The following CDC123 variants were observed in gnomAD, a reference collection of about 807,000 sequenced individuals.
CDC123 encodes the protein translation initiation factor eIF2 assembly protein.
Under a neutral mutation model 54.4 loss-of-function variants are expected in CDC123, and 37 were observed. The observed-to-expected ratio is 0.68, with a 90% CI of 0.52 to 0.89. The LOEUF (loss-of-function observed/expected upper bound fraction) is 0.89, where lower values mean the gene tolerates loss of function less well. Among genes scored for constraint, CDC123 ranks in the 40% least tolerant of loss-of-function variants. The pLI is 0.00. For missense variants in CDC123, 361 were observed against 412.1 expected (o/e 0.88, Z 1.07); for synonymous variants, 144 against 136.8 (o/e 1.05, Z -0.37).
chr10:12,225,220 C>A (rs1467418692), intron 6 of CDC123, among the ~76,000 whole-genome samples: 4 of 152,048 alleles, frequency 2.6e-5, no homozygotes, highest in Admixed American at 2.0e-4. Context: ...CTCGATGAAA[C>A]CCCATCTCTA....
At chr10:12,228,296 G>C (rs1004299817) in intron 6 of CDC123, among the ~76,000 whole-genome samples, 1 of 151,942 alleles carries the variant, frequency 6.6e-6, no homozygotes, top group East Asian at 1.9e-4. Context: ...ATTTTTAATC[G>C]AAAGCTAGTT....
intron 6 of CDC123, among the ~76,000 whole-genome samples, chr10:12,228,286 AT>A (rs929659683): frequency 6.6e-6 from 1 of 152,126 alleles, no homozygotes; most frequent in African/African-American, 2.4e-5. Context: ...TATTAAAATA[AT>A]TTTTAATCGA....
rs12775058 is a variant in CDC123, at chr10:12,198,681, C to A, written c.75-24C>A. 1.3e-5 allele frequency: 17 copies of A among 1,333,570 alleles called. No homozygotes were observed. The African/African-American group carries it at 2.5e-4, about 20-fold the overall frequency. 82.6% of individuals were successfully genotyped at this position (1,333,570 alleles called of 1,614,324 possible). ...TTATAGTTGGTCTTTTAAAATGATGCCTTTTTTGGTGTTTTTTTTTTAGTG... is the reference window on the plus strand; with the variant it reads ...TTATAGTTGGTCTTTTAAAATGATGACTTTTTTGGTGTTTTTTTTTTAGTG... On this transcript the variant is annotated intron_variant, in intron 1 of 12. Coordinates refer to ENST00000281141, the MANE Select transcript of CDC123 (RefSeq NM_006023.3).
intron 6 of CDC123, among the ~76,000 whole-genome samples, chr10:12,226,462 G>A (rs1308520535): frequency 6.6e-6 from 1 of 151,936 alleles, no homozygotes; most frequent in Non-Finnish European, 1.5e-5. Context: ...TTCCCAGACG[G>A]GGCGGCTGCT....
intron 8 of CDC123, 37 bp from the exon 9 acceptor site, chr10:12,237,107 T>C (rs1835987786): frequency 8.0e-6 from 12 of 1,494,678 alleles, no homozygotes; most frequent in Non-Finnish European, 8.9e-6. Flanking sequence ...GAAAAGAATA[T>C]TGTATAATAA....
Position 12,250,479 on chromosome 10 carries a change from C to T in CDC123, c.*142C>T, listed in dbSNP as rs766660175. The T allele has an allele frequency of 5.5e-6, 4 of 721,986 alleles. No homozygotes were observed. The highest frequency in any genetic ancestry group is 1.5e-5 in the South Asian group (1 of 66,846). The allele number at this position is 721,986 out of a possible 1,614,324, so 44.7% of individuals were successfully genotyped here. A position where few individuals can be genotyped will look rare whatever the true frequency, so the allele number is the denominator to read the frequency against. Reference sequence around the variant, plus strand: ...CACTTTTTATATTCATGTACATTCACCTGGGGAAAAAAACGGAGGGACTTT... The same window carrying T: ...CACTTTTTATATTCATGTACATTCATCTGGGGAAAAAAACGGAGGGACTTT... On this transcript the variant is annotated 3_prime_UTR_variant, in exon 13 of 13. Transcript: ENST00000281141.
chr10:12,231,412 C>T (rs549270299), intron 7 of CDC123, among the ~76,000 whole-genome samples: 2 of 152,076 alleles, frequency 1.3e-5, no homozygotes, highest in Admixed American at 6.6e-5. Context: ...CATCTGAGAT[C>T]AGGAGTGCGA....
intron 6 of CDC123, among the ~76,000 whole-genome samples, chr10:12,224,680 C>T (rs974230553): frequency 2.4e-4 from 37 of 152,148 alleles, no homozygotes; most frequent in African/African-American, 8.9e-4. Context: ...ATACCACGTT[C>T]TTTTGGTACT....
At chr10:12,227,750 C>T (rs945520740) in intron 6 of CDC123, among the ~76,000 whole-genome samples, 2 of 152,096 alleles carry the variant, frequency 1.3e-5, no homozygotes, top group African/African-American at 4.8e-5. Flanking sequence ...CCCACCTCAG[C>T]CTCCCAAAGT....
chr10:12,206,071 A>G (rs1327239656), intron 2 of CDC123, among the ~76,000 whole-genome samples: 2 of 152,206 alleles, frequency 1.3e-5, no homozygotes, highest in East Asian at 3.9e-4. Flanking sequence ...AAGTGCTGGG[A>G]TTACAGGCGT....
At chr10:12,228,211 A>T (rs989859678) in intron 6 of CDC123, among the ~76,000 whole-genome samples, 2 of 152,074 alleles carry the variant, frequency 1.3e-5, no homozygotes, top group African/African-American at 4.8e-5. Flanking sequence ...TTGGGATTAC[A>T]GGTGTGAGCC....
intron 6 of CDC123, among the ~76,000 whole-genome samples, chr10:12,221,750 T>C (rs1835739682): frequency 7.0e-6 from 1 of 143,830 alleles, no homozygotes; most frequent in South Asian, 2.1e-4. Context: ...ATTAAATTTA[T>C]TTTTTAAATA....
chr10:12,245,049 A>G (rs1306431744), intron 10 of CDC123: 1 of 152,378 alleles, frequency 6.6e-6, no homozygotes, highest in African/African-American at 2.4e-5. Context: ...AAAACCCAGC[A>G]TCTTCATCCT....
intron 2 of CDC123, among the ~76,000 whole-genome samples, chr10:12,201,224 G>A (rs1386390582): frequency 2.6e-5 from 4 of 152,200 alleles, no homozygotes; most frequent in Non-Finnish European, 5.9e-5. Context: ...TACATAAAAT[G>A]TTCAGTCTAA....
chr10:12,198,857 C>A, intron 2 of CDC123, 81 bp downstream of exon 2: 1 of 779,176 alleles, frequency 1.3e-6, no homozygotes, highest in Non-Finnish European at 2.2e-6. Context: ...AGGCACCATT[C>A]TTTCCCTTTA....
intron 6 of CDC123, among the ~76,000 whole-genome samples, chr10:12,230,181 G>T (rs562030125): frequency 1.3e-5 from 2 of 150,958 alleles, no homozygotes; most frequent in Admixed American, 6.6e-5. Context: ...CATAAGATGG[G>T]TTTTTTTTGT....
rs1487771598 is a variant in CDC123, at chr10:12,235,092, T to C, written c.534T>C (p.Phe178=). ...GTGAATTGATTCCTGGGGCTGAGTT[T>C]CGATGTTTTGTCAAGGAAAACAAGC... The part of the protein sequence containing the change: ...KWCELIPGAE[F]RCFVKENKLI... The change falls in exon 8 of 13, where the codon TTT becomes TTC. Residue 178 remains phenylalanine, a synonymous_variant. Transcript: ENST00000281141. 2 of 1,613,994 alleles carry C rather than the reference T, an allele frequency of 1.2e-6. No homozygotes were observed. Among genetic ancestry groups the C allele is most frequent in the Non-Finnish European group, 1.7e-6 (2 of 1,179,968 alleles).
Position 12,250,420 on chromosome 10 carries a change from T to G in CDC123, c.*83T>G, listed in dbSNP as rs1438151418. On this transcript the variant is annotated 3_prime_UTR_variant, in exon 13 of 13. Transcript: ENST00000281141. ...ATCAGCCGCAACTTCCTGCCGACCC[T>G]GATGCGGGTGGGCCGAGCAGTGTGG... 4 of 1,044,224 alleles carry G rather than the reference T, an allele frequency of 3.8e-6. No individual in the cohort carries two copies. The highest frequency in any genetic ancestry group is 6.1e-6 in the Non-Finnish European group (4 of 660,716). The allele number at this position is 1,044,224 out of a possible 1,614,324, so 64.7% of individuals were successfully genotyped here. A position where few individuals can be genotyped will look rare whatever the true frequency, so the allele number is the denominator to read the frequency against.
chr10:12,203,732 G>C (rs1218675527), intron 2 of CDC123, among the ~76,000 whole-genome samples: 1 of 152,078 alleles, frequency 6.6e-6, no homozygotes, highest in Non-Finnish European at 1.5e-5. Flanking sequence ...AGGAGTCTAG[G>C]CTTATTAGCA....
Sources: allele counts gnomAD v4.1 joint callset (sites outside exome capture counted in the v4.1 genomes callset), GRCh38; gene constraint gnomAD v4.1.1; transcripts MANE v1.5; gene names NCBI Gene and HGNC (gene_info 2026-07-23, HGNC 2026-07-21).